THSD4: variants seen among roughly 807,000 people sequenced by gnomAD.
THSD4 encodes the protein thrombospondin type 1 domain containing 4.
A neutral mutation model predicts 119.0 loss-of-function variants in THSD4; 69 were observed. The observed-to-expected ratio is 0.58, with a 90% CI of 0.48 to 0.71. The LOEUF (loss-of-function observed/expected upper bound fraction) is 0.71. Ranked by LOEUF, THSD4 falls within the 30% of genes least tolerant of loss-of-function variation. The pLI is 0.00. For synonymous variants in THSD4, 524 were observed against 540.4 expected (o/e 0.97, Z 0.42); for missense variants, 1,393 against 1,391.1 (o/e 1.00, Z -0.02).
intron 6 of THSD4, among the ~76,000 whole-genome samples, chr15:71,275,752 C>T (rs117339734): frequency 0.018 from 2,687 of 152,170 alleles, 39 homozygotes; most frequent in Non-Finnish European, 0.029. Context: ...CTGCTGTTCT[C>T]GTGATAGTGA....
chr15:71,236,834 A>G (rs2044109454), intron 4 of THSD4, among the ~76,000 whole-genome samples: 1 of 152,232 alleles, frequency 6.6e-6, no homozygotes, highest in Non-Finnish European at 1.5e-5. Context: ...CATGAGGCCC[A>G]GTGGAAGGAC....
intron 6 of THSD4, among the ~76,000 whole-genome samples, chr15:71,330,338 A>G (rs1023379645): frequency 1.1e-4 from 16 of 152,148 alleles, no homozygotes; most frequent in African/African-American, 3.6e-4. Context: ...TTCTAAAGCT[A>G]TTCTAAGAAT....
At chr15:71,492,827 A>T (rs1158714204) in intron 7 of THSD4, among the ~76,000 whole-genome samples, 1 of 151,742 alleles carries the variant, frequency 6.6e-6, no homozygotes, top group Admixed American at 6.6e-5. Flanking sequence ...GCAGGAATCG[A>T]TTTGCTTGTG....
chr15:71,432,441 A>G (rs1241965302), intron 7 of THSD4, among the ~76,000 whole-genome samples: 3 of 152,126 alleles, frequency 2.0e-5, no homozygotes, highest in Non-Finnish European at 2.9e-5. Context: ...TCTTTGATAG[A>G]CGGGAGACTC....
intron 3 of THSD4, among the ~76,000 whole-genome samples, chr15:71,156,213 T>C (rs1237154228): frequency 2.0e-5 from 3 of 152,090 alleles, no homozygotes; most frequent in Non-Finnish European, 4.4e-5. Context: ...GTTATTTGTA[T>C]CTAAGTGTGA....
Position 71,737,817 on chromosome 15 carries a change from C to A in THSD4, c.1716C>A (p.Asp572Glu). Residue 572 changes from aspartate to glutamate, a missense_variant, in exon 11 of 18, where the codon GAC (aspartate) becomes GAA (glutamate). Coordinates refer to ENST00000261862, the MANE Select transcript of THSD4 (RefSeq NM_024817.3). Reference protein sequence around the residue: ...EQKGRNEEKEDLRGEAPEMFT... With the variant: ...EQKGRNEEKEELRGEAPEMFT... Reference sequence around the variant, plus strand: ...AAGGGAGGAACGAGGAGAAGGAAGACTTGCGTGGGGAGGCCCCTGAGATGT... The same window carrying A: ...AAGGGAGGAACGAGGAGAAGGAAGAATTGCGTGGGGAGGCCCCTGAGATGT... The A allele has an allele frequency of 1.2e-6, 2 of 1,614,242 alleles. No homozygotes were observed.
At chr15:71,494,125 G>A (rs984071183) in intron 7 of THSD4, among the ~76,000 whole-genome samples, 3 of 152,164 alleles carry the variant, frequency 2.0e-5, no homozygotes, top group Non-Finnish European at 2.9e-5. Flanking sequence ...ATACCAACAA[G>A]GAGAGTCTTT....
In THSD4 at chr15:71,682,917, C is replaced by CCTT. The variant is rs1276209516; in HGVS notation, c.1357+22183_1357+22184insCTT. Among the ~76,000 whole-genome samples, 97 of 44,542 alleles carry CCTT rather than the reference C, an allele frequency of 2.2e-3. 7 individuals are homozygous for CCTT. Among genetic ancestry groups the CCTT allele is most frequent in the African/African-American group, 7.6e-3 (71 of 9,340 alleles). 29.2% of individuals were successfully genotyped at this position (44,542 alleles called of 152,430 possible). ...CTTTCTTTCTTTCTTTCTTCTTCTTCTTCTTTTTTTTTTTTTTTTTTTGAG... is the reference window on the plus strand; with the variant it reads ...CTTTCTTTCTTTCTTTCTTCTTCTTCCTTTTCTTTTTTTTTTTTTTTTTTTGAG... On this transcript the variant is annotated intron_variant, in intron 8 of 17. Transcript: ENST00000261862.
chr15:71,399,845 G>A (rs6494917), intron 6 of THSD4, among the ~76,000 whole-genome samples: 147,691 of 152,246 alleles, frequency 0.97, 71,817 homozygotes, highest in East Asian at 1. Context: ...TAATTCTGAT[G>A]TACGTTAGAG....
chr15:71,391,493 T>A (rs2046379532), intron 6 of THSD4, among the ~76,000 whole-genome samples: 1 of 152,158 alleles, frequency 6.6e-6, no homozygotes, highest in South Asian at 2.1e-4. Flanking sequence ...TGGCTAAATA[T>A]ATCCAAGAGA....
intron 7 of THSD4, among the ~76,000 whole-genome samples, chr15:71,499,081 C>A (rs112868741): frequency 6.6e-6 from 1 of 152,092 alleles, no homozygotes; most frequent in Non-Finnish European, 1.5e-5. Flanking sequence ...CAAATCAATT[C>A]TAAGTGCTGT....
rs1391904935 is a variant in THSD4, at chr15:71,443,268, T to A, written c.1152+31445T>A. On this transcript the variant is annotated intron_variant, in intron 7 of 17. Coordinates refer to ENST00000261862, the MANE Select transcript of THSD4 (RefSeq NM_024817.3). Reference sequence around the variant, plus strand: ...TTCAAAGCATTCCTTTTTAGGGAGATTGGCCTAGGCTCTCCCCTTCTCTGG... The same window carrying A: ...TTCAAAGCATTCCTTTTTAGGGAGAATGGCCTAGGCTCTCCCCTTCTCTGG... Among the ~76,000 whole-genome samples the A allele has an allele frequency of 2.0e-5, 3 of 152,130 alleles. No individual in the cohort carries two copies. In the East Asian group the frequency reaches 5.8e-4, roughly 29 times the overall value.
rs547303746 is a variant in THSD4 at position 71,256,485 on chromosome 15, A to AT, written c.913-128_913-127insT. 1,477 of 597,080 alleles carry AT rather than the reference A, an allele frequency of 2.5e-3. 7 individuals are homozygous for AT. Among genetic ancestry groups the AT allele is most frequent in the Middle Eastern group, 6.8e-3 (11 of 1,618 alleles). 37.0% of individuals were successfully genotyped at this position (597,080 alleles called of 1,614,324 possible). A position where few individuals can be genotyped will look rare whatever the true frequency, so the allele number is the denominator to read the frequency against. On this transcript the variant is annotated intron_variant, in intron 5 of 17. Coordinates refer to ENST00000261862, the MANE Select transcript of THSD4 (RefSeq NM_024817.3). ...GGTGAGACTCCATCTCAAAAAAAAA[A>AT]AAATAAATAAATAAAGAATAAAAAT...
Position 71,565,375 on chromosome 15 carries a change from T to C in THSD4, c.1153-95155T>C, listed in dbSNP as rs567659926. Among the ~76,000 whole-genome samples the C allele has an allele frequency of 3.3e-5, 5 of 152,334 alleles. No individual in the cohort carries two copies. The South Asian group carries it at 1.0e-3, about 32-fold the overall frequency. On this transcript the variant is annotated intron_variant, in intron 7 of 17. Transcript: ENST00000261862. ...TACCCACATAATATTGACTGTGTAA[T>C]GCAGCCCAGAGCAGAACCAGGATTC...
intron 6 of THSD4, among the ~76,000 whole-genome samples, chr15:71,272,725 G>A (rs1273568554): frequency 1.3e-5 from 2 of 152,066 alleles, no homozygotes; most frequent in Admixed American, 6.6e-5. Context: ...TTAGCCAGGT[G>A]TGGTAGCGCG....
At chr15:71,542,981 C>G (rs2048782471) in intron 7 of THSD4, among the ~76,000 whole-genome samples, 1 of 151,760 alleles carries the variant, frequency 6.6e-6, no homozygotes, top group South Asian at 2.1e-4. Flanking sequence ...CAAAGAAAGG[C>G]TGAGAAATGG....
At chr15:71,274,360 T>G (rs1044250839) in intron 6 of THSD4, among the ~76,000 whole-genome samples, 2 of 152,148 alleles carry the variant, frequency 1.3e-5, no homozygotes, top group African/African-American at 4.8e-5. Flanking sequence ...CTTGTTGTGT[T>G]TGCATTTCTG....
rs1350778552 is a variant in THSD4, at chr15:71,778,075, G to C, written c.*701G>C. 2 of 152,426 alleles carry C rather than the reference G, an allele frequency of 1.3e-5. No individual in the cohort carries two copies. The highest frequency in any genetic ancestry group is 2.4e-5 in the African/African-American group (1 of 41,454). 9.4% of individuals were successfully genotyped at this position (152,426 alleles called of 1,614,324 possible). On this transcript the variant is annotated 3_prime_UTR_variant, in exon 18 of 18. Transcript: ENST00000261862. ...CTCAACTTAAGTAATTGACCTGCCA[G>C]GTATATTCACCCATCCAGTGGAAGA...
chr15:71,602,080 C>G (rs1325832672), intron 7 of THSD4, among the ~76,000 whole-genome samples: 2 of 151,912 alleles, frequency 1.3e-5, no homozygotes, highest in African/African-American at 4.8e-5. Context: ...TTCTAGGAGA[C>G]AGAAAATGAG....
Sources: gnomAD v4.1 joint callset for allele counts (sites outside exome capture counted in the v4.1 genomes callset) on GRCh38, gnomAD v4.1.1 for gene constraint, MANE v1.5 for transcripts, NCBI Gene and HGNC (gene_info 2026-07-23, HGNC 2026-07-21) for gene names.